Variants in JMJD1C observed in about 807,000 individuals in gnomAD.
The protein encoded by JMJD1C is jumonji domain-containing protein 1C.
In JMJD1C, 31 loss-of-function variants were observed where a neutral mutation model predicts 245.3. The observed-to-expected ratio is 0.13, with a 90% CI of 0.09 to 0.17. JMJD1C has a LOEUF of 0.17. Among genes scored for constraint, JMJD1C ranks in the 10% least tolerant of loss-of-function variants. JMJD1C has a pLI of 1.00. For synonymous variants in JMJD1C, 1,057 were observed against 1,017.4 expected, an observed-to-expected ratio of 1.04 and a Z score of -0.74; for missense variants, 2,691 against 3,000.2, an observed-to-expected ratio of 0.90 and a Z score of 2.41.
chr10:63,408,414 C>A (rs1949295424), intron 1 of JMJD1C, among the ~76,000 whole-genome samples: 1 of 150,734 alleles, frequency 6.6e-6, no homozygotes, highest in Admixed American at 6.6e-5. Context: ...AAAAAAAAAA[C>A]AGATAAAAAT....
chr10:63,440,473 A>G (rs1951320003), intron 1 of JMJD1C, among the ~76,000 whole-genome samples: 2 of 152,118 alleles, frequency 1.3e-5, no homozygotes, highest in Admixed American at 1.3e-4. Flanking sequence ...TTCAGTAAAC[A>G]TCCAGACATT....
intron 1 of JMJD1C, among the ~76,000 whole-genome samples, chr10:63,396,420 C>A (rs1948490672): frequency 6.6e-6 from 1 of 152,166 alleles, no homozygotes; most frequent in Non-Finnish European, 1.5e-5. Context: ...TCACCTCCAC[C>A]TCTCCTTTTT....
At chr10:63,352,927 A>T (rs1944487009) in intron 2 of JMJD1C, among the ~76,000 whole-genome samples, 1 of 152,174 alleles carries the variant, frequency 6.6e-6, no homozygotes, top group South Asian at 2.1e-4. Flanking sequence ...TGGTGGTCCT[A>T]GAATGCTATT....
chr10:63,234,292 G>C (rs193018075), intron 3 of JMJD1C, among the ~76,000 whole-genome samples: 5 of 151,602 alleles, frequency 3.3e-5, no homozygotes, highest in Admixed American at 2.6e-4. Flanking sequence ...CCCAGAGTTT[G>C]AGACCAGCCT....
At chr10:63,216,861 G>C (rs1848049228) in intron 5 of JMJD1C, among the ~76,000 whole-genome samples, 2 of 152,144 alleles carry the variant, frequency 1.3e-5, no homozygotes, top group African/African-American at 4.8e-5. Flanking sequence ...GAAAAGAAAT[G>C]ATTTCGGAAA....
At chr10:63,458,349 A>G (rs1456317740) in intron 1 of JMJD1C, among the ~76,000 whole-genome samples, 1 of 152,098 alleles carries the variant, frequency 6.6e-6, no homozygotes, top group Non-Finnish European at 1.5e-5. Flanking sequence ...TTAGCCAGGC[A>G]TGGTGGCTCA....
Position 63,176,424 on chromosome 10 carries a change from C to T in JMJD1C, c.7274G>A (p.Arg2425His), listed in dbSNP as rs775803232. ...TTTGTTCACATACCAACTTTGGTCA[C>T]GTATTGGATCATGTTCTGGTAGAAC... Reference protein sequence around the residue: ...LEVLPEHDPIRDQSWYVNKKL... With the variant: ...LEVLPEHDPIHDQSWYVNKKL... The change falls in exon 24 of 26, where the codon CGT becomes CAT. Residue 2425 changes from arginine (R) to histidine (H), a missense_variant. By Grantham distance (29) the Arg-to-His change is conservative (BLOSUM62 0). Transcript: ENST00000399262. 7 of 1,613,908 alleles carry T rather than the reference C, an allele frequency of 4.3e-6. No individual in the cohort carries two copies. In the South Asian group the frequency reaches 6.6e-5, roughly 15 times the overall value.
At chr10:63,510,897 T>C (rs980737884) in intron 1 of JMJD1C, among the ~76,000 whole-genome samples, 9 of 152,352 alleles carry the variant, frequency 5.9e-5, no homozygotes, top group South Asian at 2.1e-4. Flanking sequence ...ATATTAAGAA[T>C]TGTTGTATCT....
At chr10:63,278,345 G>GAAT (rs59676296) in intron 2 of JMJD1C, among the ~76,000 whole-genome samples, 77,299 of 142,728 alleles carry the variant, frequency 0.54, 21,998 homozygotes, top group Non-Finnish European at 0.64. Context: ...AATTAAAAGA[G>GAAT]AATAATAATA....
intron 1 of JMJD1C, among the ~76,000 whole-genome samples, chr10:63,513,862 G>C (rs762287699): frequency 6.6e-5 from 10 of 152,082 alleles, no homozygotes; most frequent in Non-Finnish European, 1.0e-4. Context: ...GCAGTGAGCC[G>C]AGATCGCGCC....
chr10:63,374,192 T>TA (rs1170494645), intron 2 of JMJD1C, among the ~76,000 whole-genome samples: 2 of 151,976 alleles, frequency 1.3e-5, no homozygotes, highest in Non-Finnish European at 2.9e-5. Flanking sequence ...ATAACAAATA[T>TA]AAAAAACTCA....
chr10:63,433,711 A>C (rs1564915756), intron 1 of JMJD1C, among the ~76,000 whole-genome samples: 1 of 150,480 alleles, frequency 6.6e-6, no homozygotes, highest in African/African-American at 2.4e-5. Flanking sequence ...TCAGCCTCCC[A>C]AGTAGCTGAT....
chr10:63,376,333 C>T (rs1488021339), intron 2 of JMJD1C, among the ~76,000 whole-genome samples: 1 of 151,866 alleles, frequency 6.6e-6, no homozygotes, highest in African/African-American at 2.4e-5. Flanking sequence ...TAGAAGAAAA[C>T]ATAAGGGGAA....
intron 2 of JMJD1C, among the ~76,000 whole-genome samples, chr10:63,364,004 C>T (rs368225330): frequency 2.0e-5 from 3 of 152,046 alleles, no homozygotes; most frequent in South Asian, 2.1e-4. Context: ...TACAGTAATG[C>T]GCCACCATTC....
At position 63,214,720 on chromosome 10, in the gene JMJD1C, A is replaced by C. The variant is rs773121324; in HGVS notation, c.1447T>G (p.Cys483Gly). The C allele has an allele frequency of 6.2e-7, 1 of 1,614,020 alleles. No individual in the cohort carries two copies. The highest frequency in any genetic ancestry group is 2.2e-5 in the East Asian group (1 of 44,870). ...HNSNDLLPQE[C>G]NMDKTHTMEL... ...ATGGTATGTGTTTTATCCATATTGC[A>C]TTCCTGAGGAAGTAAATCATTAGAA... Residue 483 changes from cysteine (C) to glycine (G), a missense_variant, in exon 8 of 26, where the codon TGC becomes GGC. This residue lies in a region of JMJD1C where 1,562 missense variants were observed against 1,490.7 expected (regional missense o/e 1.05). Transcript: ENST00000399262.
intron 1 of JMJD1C, among the ~76,000 whole-genome samples, chr10:63,481,409 A>G (rs1182256636): frequency 6.6e-6 from 1 of 152,030 alleles, no homozygotes; most frequent in East Asian, 1.9e-4. Flanking sequence ...TAGTGGACAC[A>G]TTTCCTTTTA....
At chr10:63,259,364 G>A (rs1854401627) in intron 3 of JMJD1C, among the ~76,000 whole-genome samples, 1 of 151,964 alleles carries the variant, frequency 6.6e-6, no homozygotes, top group Non-Finnish European at 1.5e-5. Flanking sequence ...TTCCATCCTG[G>A]TTGTGAAGCA....
intron 2 of JMJD1C, among the ~76,000 whole-genome samples, chr10:63,281,862 T>C (rs894056539): frequency 3.3e-5 from 5 of 152,156 alleles, no homozygotes; most frequent in Admixed American, 3.3e-4. Context: ...AAAGCAATGC[T>C]TGTGTTAAAA....
At chr10:63,448,006 G>A (rs924097272) in intron 1 of JMJD1C, among the ~76,000 whole-genome samples, 10 of 151,868 alleles carry the variant, frequency 6.6e-5, no homozygotes, top group African/African-American at 2.4e-4. Flanking sequence ...ATAAAGTATT[G>A]TGAAAACCAA....
Sources: allele counts gnomAD v4.1 joint callset (sites outside exome capture counted in the v4.1 genomes callset), GRCh38; gene constraint gnomAD v4.1.1; regional missense constraint gnomAD v4.1.1; transcripts MANE v1.5; gene names NCBI Gene and HGNC (gene_info 2026-07-23, HGNC 2026-07-21).